TFIP11: variants seen among roughly 807,000 people sequenced by gnomAD.
TFIP11 encodes tuftelin-interacting protein 11.
TFIP11 carries 86 observed loss-of-function variants against 96.8 expected under a neutral mutation model. That is an observed-to-expected ratio of 0.89 (90% confidence interval 0.75 to 1.06). The LOEUF (loss-of-function observed/expected upper bound fraction) is 1.06. TFIP11 is among the 50% of genes least tolerant of loss of function. The pLI, the probability that TFIP11 is intolerant of heterozygous loss-of-function variation, is 0.00. For missense variants in TFIP11, 881 were observed against 1,076.7 expected, an observed-to-expected ratio of 0.82 and a Z score of 2.54; for synonymous variants, 405 against 395.2, an observed-to-expected ratio of 1.02 and a Z score of -0.29.
At chr22:26,494,412 C>G (rs529091667) in intron 13 of TFIP11, 108 bp from the exon 14 acceptor site, 1 of 1,313,098 alleles carries the variant, frequency 7.6e-7, no homozygotes, top group South Asian at 1.2e-5. Context: ...GCTAGTGACA[C>G]TACTTTACAG....
Position 26,491,755 on chromosome 22 carries a change from G to C in TFIP11, c.*258C>G. 7.8e-7 allele frequency: 1 copy of C among 1,289,512 alleles called. No individual in the cohort carries two copies. Among genetic ancestry groups the C allele is most frequent in the Non-Finnish European group, 1.1e-6 (1 of 930,730 alleles). 79.9% of individuals were successfully genotyped at this position (1,289,512 alleles called of 1,614,324 possible). On this transcript the variant is annotated 3_prime_UTR_variant, in exon 15 of 15. Transcript: ENST00000407690. ...GGAAGGCTGCTATGGAGGAACTACA[G>C]AGAACTCCTTTGCCAGGAAAGAACA...
chr22:26,510,238 C>G lies in TFIP11; in HGVS notation c.35G>C (p.Gly12Ala). ...SLSHLYRDGE[G>A]RIDDDDDERE... ...CTCGTCATCATCATCATCAATGCGG[C>G]CTTCCCCATCCCGGTATAAGTGGGA... is the stretch of plus-strand genomic sequence containing the variant. The change falls in exon 4 of 15, where the codon GGC (glycine) becomes GCC (alanine). Residue 12 changes from glycine to alanine, a missense_variant. Coordinates refer to ENST00000407690, the MANE Select transcript of TFIP11 (RefSeq NM_012143.4). 6.2e-7 allele frequency: 1 copy of G among 1,614,128 alleles called. No homozygotes were observed. Among genetic ancestry groups the G allele is most frequent in the Non-Finnish European group, 8.5e-7 (1 of 1,180,042 alleles).
intron 14 of TFIP11, chr22:26,493,789 G>C (rs1921549557): frequency 3.8e-6 from 1 of 261,662 alleles, no homozygotes; most frequent in Admixed American, 5.0e-5. Flanking sequence ...ACTCCACACT[G>C]TAAGATGCGT....
chr22:26,496,861 C>T lies in TFIP11; in HGVS notation c.1465G>A (p.Val489Ile). 1 of 1,614,114 alleles carries T rather than the reference C, an allele frequency of 6.2e-7. No individual in the cohort carries two copies. The highest frequency in any genetic ancestry group is 1.1e-5 in the South Asian group (1 of 91,084). The change falls in exon 11 of 15, where the codon GTT becomes ATT. Residue 489 changes from valine (V) to isoleucine (I), a missense_variant. Coordinates refer to ENST00000407690, the MANE Select transcript of TFIP11 (RefSeq NM_012143.4). ...RLIWEVWMPF[V>I]RNIVTQWQPR... ...TGCCACTGGGTGACAATATTTCGAA[C>T]AAAAGGCATCCAGACTTCCCATATC...
intron 8 of TFIP11, 95 bp from the exon 9 acceptor site, chr22:26,499,726 G>A (rs1922548450): frequency 1.6e-6 from 2 of 1,289,220 alleles, no homozygotes; most frequent in African/African-American, 1.5e-5. Context: ...GGGGAAGTGT[G>A]TAGAAACCAC....
intron 8 of TFIP11, among the ~76,000 whole-genome samples, chr22:26,500,878 C>CTTTTTTTTTTTTTTTTTTT (rs397958538): frequency 9.8e-6 from 1 of 102,060 alleles, no homozygotes; most frequent in African/African-American, 3.8e-5. Context: ...TAACGGAAAA[C>CTTTTTTTTTTTTTTTTTTT]TTTTTTTTTT....
intron 11 of TFIP11, 85 bp from the exon 12 acceptor site, chr22:26,496,401 C>T: frequency 1.3e-6 from 2 of 1,498,618 alleles, no homozygotes; most frequent in Non-Finnish European, 1.8e-6. Flanking sequence ...AAGAGCTGCC[C>T]CTGGAGGAGG....
intron 10 of TFIP11, among the ~76,000 whole-genome samples, chr22:26,497,874 CAAAA>C (rs35461044): frequency 1.5e-4 from 13 of 89,152 alleles, no homozygotes; most frequent in Admixed American, 4.0e-4. Flanking sequence ...GACTTCATCT[CAAAA>C]AAAAAAAAAA....
intron 12 of TFIP11, 80 bp downstream of exon 12, chr22:26,495,993 G>T: frequency 6.5e-7 from 1 of 1,543,362 alleles, no homozygotes; most frequent in South Asian, 1.2e-5. Context: ...TAAAGGCGAT[G>T]CTTTAAATCA....
intron 4 of TFIP11, among the ~76,000 whole-genome samples, chr22:26,508,629 G>A (rs1388700886): frequency 6.6e-6 from 1 of 152,172 alleles, no homozygotes; most frequent in Non-Finnish European, 1.5e-5. Context: ...GCCGAGGCAG[G>A]CGGATGACAA....
intron 13 of TFIP11, 67 bp downstream of exon 13, chr22:26,494,730 T>TG: frequency 6.2e-7 from 1 of 1,603,364 alleles, no homozygotes; most frequent in Non-Finnish European, 8.5e-7. Context: ...AGTCAGGCCT[T>TG]GGCAGAAAAT....
chr22:26,508,674 G>A (rs1368908769), intron 4 of TFIP11, among the ~76,000 whole-genome samples: 1 of 151,966 alleles, frequency 6.6e-6, no homozygotes, highest in Non-Finnish European at 1.5e-5. Context: ...GTGAAACCCC[G>A]TCTCTACTAA....
At position 26,510,059 on chromosome 22, in the gene TFIP11, A is replaced by G; in HGVS notation, c.209+5T>C. ...AGGTGAAGCAGCCCCCATGCCAGGC[A>G]ATACCGTTTGCCTCCAAAGCTGGGC... On this transcript the variant is annotated splice_donor_5th_base_variant and intron_variant, in intron 4 of 14. Transcript: ENST00000407690. 6.2e-7 allele frequency: 1 copy of G among 1,612,886 alleles called. No homozygotes were observed. Among genetic ancestry groups the G allele is most frequent in the Non-Finnish European group, 8.5e-7 (1 of 1,179,992 alleles).
Position 26,510,342 on chromosome 22 carries a change from C to A in TFIP11, c.-9-61G>T, listed in dbSNP as rs547514585. ...TCCTGGGGGCAGCAGTCGAAGGATTCCTTGTGAGTCTCTATTCCTTGCTGC... is the reference window on the plus strand; with the variant it reads ...TCCTGGGGGCAGCAGTCGAAGGATTACTTGTGAGTCTCTATTCCTTGCTGC... On this transcript the variant is annotated intron_variant, in intron 3 of 14. Coordinates refer to ENST00000407690, the MANE Select transcript of TFIP11 (RefSeq NM_012143.4). 1.8e-5 allele frequency: 27 copies of A among 1,468,306 alleles called. No homozygotes were observed. The South Asian group carries it at 2.6e-4, about 14-fold the overall frequency. The allele number at this position is 1,468,306 out of a possible 1,614,324, so 91.0% of individuals were successfully genotyped here.
At chr22:26,495,752 G>A (rs941586479) in intron 12 of TFIP11, among the ~76,000 whole-genome samples, 5 of 151,570 alleles carry the variant, frequency 3.3e-5, no homozygotes, top group Non-Finnish European at 5.9e-5. Flanking sequence ...TAATAATTTA[G>A]AGTAAAATAC....
Position 26,491,967 on chromosome 22 carries a change from T to C in TFIP11, c.*46A>G. ...AAAAATACTGTTTATTTACAGTACA[T>C]CCCTCTTAGGGGCAAGTCTCTGACT... On this transcript the variant is annotated 3_prime_UTR_variant, in exon 15 of 15. Coordinates refer to ENST00000407690, the MANE Select transcript of TFIP11 (RefSeq NM_012143.4). 2 of 1,512,886 alleles carry C rather than the reference T, an allele frequency of 1.3e-6. No homozygotes were observed. The highest frequency in any genetic ancestry group is 1.4e-5 in the African/African-American group (1 of 72,372). 93.7% of individuals were successfully genotyped at this position (1,512,886 alleles called of 1,614,324 possible).
chr22:26,493,000 ATC>A (rs898650749), intron 14 of TFIP11: 4 of 152,346 alleles, frequency 2.6e-5, no homozygotes, highest in Admixed American at 6.5e-5. Context: ...TTATTACTTA[ATC>A]TCTGTTTTCA....
chr22:26,496,296 G>A lies in TFIP11; in HGVS notation c.1626C>T (p.Leu542=), dbSNP rs888075065. 6 of 1,600,240 alleles carry A rather than the reference G, an allele frequency of 3.7e-6. No homozygotes were observed. In the African/African-American group the frequency reaches 5.4e-5, roughly 14 times the overall value. ...LQKEVENWNP[L]TDTVPIHSWI... is the part of the protein sequence containing the mutation. ...AAGAGTGGATGGGAACAGTGTCTGTGAGCGGGTTCCAGTTTTCCACCTGCG... is the reference window on the plus strand; with the variant it reads ...AAGAGTGGATGGGAACAGTGTCTGTAAGCGGGTTCCAGTTTTCCACCTGCG... The change falls in exon 12 of 15, where the codon CTC becomes CTT. Residue 542 remains leucine (L), a synonymous_variant. Transcript: ENST00000407690.
At chr22:26,507,969 T>C (rs549496789) in intron 4 of TFIP11, among the ~76,000 whole-genome samples, 43 of 152,204 alleles carry the variant, frequency 2.8e-4, no homozygotes, top group African/African-American at 7.2e-5. Flanking sequence ...TAGCTGAGTG[T>C]GGTGGCACAC....
Sources: gnomAD v4.1 joint callset for allele counts (sites outside exome capture counted in the v4.1 genomes callset) on GRCh38, gnomAD v4.1.1 for gene constraint, MANE v1.5 for transcripts, NCBI Gene and HGNC (gene_info 2026-07-23, HGNC 2026-07-21) for gene names.